The following ETV6 variants were observed in gnomAD, a reference collection of about 807,000 sequenced individuals.
The protein encoded by ETV6 is transcription factor ETV6.
A neutral mutation model predicts 51.1 loss-of-function variants in ETV6; 16 were observed. The observed-to-expected ratio is 0.31, with a 90% CI of 0.21 to 0.48. The LOEUF is 0.48. Among genes scored for constraint, ETV6 ranks in the 20% least tolerant of loss-of-function variants. The probability of loss-of-function intolerance (pLI) is 0.99; values close to 1 mark genes in which losing one functional copy is unlikely to be tolerated. For missense variants in ETV6, 458 were observed against 594.8 expected, an observed-to-expected ratio of 0.77 and a Z score of 2.39; for synonymous variants, 240 against 224.1, an observed-to-expected ratio of 1.07 and a Z score of -0.64.
chr12:11,888,398 C>CTTTTCTTTTTTTT (rs753710183), intron 7 of ETV6, among the ~76,000 whole-genome samples: 39 of 80,678 alleles, frequency 4.8e-4, no homozygotes, highest in East Asian at 3.4e-4. Context: ...CTTTTCTTTT[C>CTTTTCTTTTTTTT]TTTTTTTTTT....
chr12:11,865,026 C>T (rs1326326701), intron 4 of ETV6, among the ~76,000 whole-genome samples: 2 of 152,042 alleles, frequency 1.3e-5, no homozygotes, highest in Non-Finnish European at 2.9e-5. Context: ...CTGAGGTGGG[C>T]GGATCATGAG....
At chr12:11,871,545 A>G (rs1011002539) in intron 5 of ETV6, among the ~76,000 whole-genome samples, 2 of 152,188 alleles carry the variant, frequency 1.3e-5, no homozygotes, top group African/African-American at 2.4e-5. Context: ...TCTGGCCCCA[A>G]GTGCACCACC....
At chr12:11,739,310 A>G (rs755554171) in intron 1 of ETV6, among the ~76,000 whole-genome samples, 6 of 152,124 alleles carry the variant, frequency 3.9e-5, no homozygotes, top group Non-Finnish European at 8.8e-5. Flanking sequence ...TCCAGAGTTT[A>G]TGATGTTTCT....
chr12:11,834,508 G>A (rs1343940704), intron 2 of ETV6, among the ~76,000 whole-genome samples: 1 of 152,200 alleles, frequency 6.6e-6, no homozygotes, highest in East Asian at 1.9e-4. Flanking sequence ...ACTGAAAAGA[G>A]AATGCAACAG....
At chr12:11,840,257 T>C (rs1053421220) in intron 3 of ETV6, among the ~76,000 whole-genome samples, 6 of 152,230 alleles carry the variant, frequency 3.9e-5, no homozygotes, top group Non-Finnish European at 8.8e-5. Context: ...GTAACAAGCA[T>C]CTCTACCTGC....
intron 2 of ETV6, among the ~76,000 whole-genome samples, chr12:11,755,584 A>G (rs1035315584): frequency 6.6e-6 from 1 of 152,150 alleles, no homozygotes; most frequent in African/African-American, 2.4e-5. Flanking sequence ...AGAGGAGCAT[A>G]TAGCCCCTAC....
At chr12:11,822,859 A>G (rs780955165) in intron 2 of ETV6, among the ~76,000 whole-genome samples, 1 of 152,212 alleles carries the variant, frequency 6.6e-6, no homozygotes, top group Non-Finnish European at 1.5e-5. Context: ...AATGGGAAAG[A>G]TTTATTTCCC....
At chr12:11,701,518 G>A (rs1238333607) in intron 1 of ETV6, among the ~76,000 whole-genome samples, 1 of 152,182 alleles carries the variant, frequency 6.6e-6, no homozygotes, top group African/African-American at 2.4e-5. Context: ...AGTCTCTGTA[G>A]CCAGAGGTAG....
intron 4 of ETV6, among the ~76,000 whole-genome samples, chr12:11,864,055 C>T (rs765351742): frequency 4.6e-5 from 7 of 152,234 alleles, no homozygotes; most frequent in African/African-American, 1.7e-4. Context: ...CCTGTTCCTG[C>T]CTGGATCCTG....
chr12:11,814,948 C>T (rs1371628757), intron 2 of ETV6, among the ~76,000 whole-genome samples: 2 of 152,152 alleles, frequency 1.3e-5, no homozygotes, highest in Non-Finnish European at 2.9e-5. Flanking sequence ...GGGGCTGCTT[C>T]TGCAGCTTCA....
chr12:11,781,442 G>A (rs1945412908), intron 2 of ETV6, among the ~76,000 whole-genome samples: 1 of 152,182 alleles, frequency 6.6e-6, no homozygotes, highest in African/African-American at 2.4e-5. Context: ...CAGATAGGGT[G>A]TATTCTTTCT....
chr12:11,885,853 G>A lies in ETV6; in HGVS notation c.1153-73G>A, dbSNP rs546420181. ...AAGAGCTTTTATTTTAATAGCTCCC[G>A]CAGTGCCTTTTCTGAGGTTCATTTC... On this transcript the variant is annotated intron_variant, in intron 6 of 7. Transcript: ENST00000396373. 5.6e-5 allele frequency: 61 copies of A among 1,092,386 alleles called. No individual in the cohort carries two copies. The African/African-American group carries it at 6.9e-4, about 12-fold the overall frequency. 67.7% of individuals were successfully genotyped at this position (1,092,386 alleles called of 1,614,324 possible). A position where few individuals can be genotyped will look rare whatever the true frequency, so the allele number is the denominator to read the frequency against.
chr12:11,819,674 G>A (rs921987364), intron 2 of ETV6, among the ~76,000 whole-genome samples: 1 of 152,178 alleles, frequency 6.6e-6, no homozygotes, highest in Admixed American at 6.5e-5. Flanking sequence ...TTTTGTCATT[G>A]ACTGCTTCCT....
intron 1 of ETV6, among the ~76,000 whole-genome samples, chr12:11,738,499 G>A (rs886463287): frequency 6.6e-6 from 1 of 151,310 alleles, no homozygotes; most frequent in Non-Finnish European, 1.5e-5. Flanking sequence ...AATGGAGACG[G>A]TTTTGCCCTG....
intron 1 of ETV6, among the ~76,000 whole-genome samples, chr12:11,719,273 CTT>C (rs976039507): frequency 2.6e-5 from 4 of 152,232 alleles, no homozygotes; most frequent in Non-Finnish European, 5.9e-5. Context: ...TGTTGATACT[CTT>C]TGGTGAAGGA....
chr12:11,699,941 T>G (rs1374384888), intron 1 of ETV6, among the ~76,000 whole-genome samples: 1 of 152,236 alleles, frequency 6.6e-6, no homozygotes, highest in Non-Finnish European at 1.5e-5. Context: ...TGTCTTGAAC[T>G]TACTGTTGTT....
chr12:11,841,684 G>C (rs907919508), intron 3 of ETV6, among the ~76,000 whole-genome samples: 4 of 152,202 alleles, frequency 2.6e-5, no homozygotes, highest in African/African-American at 7.2e-5. Flanking sequence ...GATTAGAGGG[G>C]CCATTTCTAG....
chr12:11,705,764 G>A (rs931682253), intron 1 of ETV6, among the ~76,000 whole-genome samples: 2 of 152,182 alleles, frequency 1.3e-5, no homozygotes, highest in African/African-American at 4.8e-5. Context: ...AGATGAGAAG[G>A]CAATTGAGAC....
chr12:11,696,109 G>A (rs373242414), intron 1 of ETV6, among the ~76,000 whole-genome samples: 2 of 152,122 alleles, frequency 1.3e-5, no homozygotes, highest in Non-Finnish European at 2.9e-5. Context: ...TTATTAACAC[G>A]TGCAGCACAC....
Sources: allele counts gnomAD v4.1 joint callset (sites outside exome capture counted in the v4.1 genomes callset), GRCh38; gene constraint gnomAD v4.1.1; transcripts MANE v1.5; gene names NCBI Gene and HGNC (gene_info 2026-07-23, HGNC 2026-07-21).